The following IPMK variants were observed in gnomAD, a reference collection of about 807,000 sequenced individuals.
The protein encoded by IPMK is inositol polyphosphate multikinase.
Under a neutral mutation model 45.8 loss-of-function variants are expected in IPMK, and 17 were observed. The observed-to-expected ratio is 0.37, with a 90% confidence interval of 0.25 to 0.56. IPMK has a LOEUF of 0.56. Among genes scored for constraint, IPMK ranks in the 20% least tolerant of loss-of-function variants. The pLI, the probability that IPMK is intolerant of heterozygous loss-of-function variation, is 0.79. For synonymous variants in IPMK, 180 were observed against 184.3 expected, an observed-to-expected ratio of 0.98 and a Z score of 0.19; for missense variants, 399 against 498.0, an observed-to-expected ratio of 0.80 and a Z score of 1.89.
chr10:58,195,797 T>C lies in IPMK; in HGVS notation c.*279A>G. 3.3e-6 allele frequency: 1 copy of C among 307,636 alleles called. No individual in the cohort carries two copies. The highest frequency in any genetic ancestry group is 6.0e-5 in the South Asian group (1 of 16,602). The allele number at this position is 307,636 out of a possible 1,614,324, so 19.1% of individuals were successfully genotyped here. ...AACTCTTAATGACTGAATAATGGTTTGCATTTTGCTTGAGCCAAAAAAGAT... is the reference window on the plus strand; with the variant it reads ...AACTCTTAATGACTGAATAATGGTTCGCATTTTGCTTGAGCCAAAAAAGAT... On this transcript the variant is annotated 3_prime_UTR_variant, in exon 6 of 6. Transcript: ENST00000373935.
Position 58,192,547 on chromosome 10 carries a change from G to A in IPMK, c.*3529C>T, listed in dbSNP as rs1191490451. ...AACCCCACACTTATTATCTTATTTA[G>A]ATGCCTATTTTTCTATATCTCTATT... is the stretch of plus-strand genomic sequence containing the variant. On this transcript the variant is annotated 3_prime_UTR_variant, in exon 6 of 6. Transcript: ENST00000373935. 6.6e-6 allele frequency: 1 copy of A among 151,902 alleles called. No homozygotes were observed. The highest frequency in any genetic ancestry group is 1.5e-5 in the Non-Finnish European group (1 of 67,876). 9.4% of individuals were successfully genotyped at this position (151,902 alleles called of 1,614,324 possible).
intron 5 of IPMK, among the ~76,000 whole-genome samples, chr10:58,198,945 C>T (rs183571331): frequency 5.9e-4 from 90 of 152,060 alleles, no homozygotes; most frequent in Admixed American, 1.1e-3. Context: ...TTATACACAA[C>T]CTCTAGTTCC....
In IPMK at chr10:58,248,807, C is replaced by T. The variant is rs148298149; in HGVS notation, c.191-10993G>A. Among the ~76,000 whole-genome samples, 270 of 152,274 alleles carry T rather than the reference C, an allele frequency of 1.8e-3. 1 individual carries two copies. In the South Asian group the frequency reaches 0.022, roughly 12 times the overall value. ...GTCATGTGTTATTCGTCTTTCCATG[C>T]CTGGTTTATTTCACTTCATATAATG... On this transcript the variant is annotated intron_variant, in intron 1 of 5. Coordinates refer to ENST00000373935, the MANE Select transcript of IPMK (RefSeq NM_152230.5).
intron 1 of IPMK, among the ~76,000 whole-genome samples, chr10:58,266,816 G>A (rs1015759397): frequency 1.3e-5 from 2 of 152,116 alleles, no homozygotes; most frequent in Non-Finnish European, 2.9e-5. Flanking sequence ...TTCCCACCAG[G>A]AATCCGAGTT....
intron 1 of IPMK, among the ~76,000 whole-genome samples, chr10:58,245,289 A>T (rs1280712365): frequency 6.6e-6 from 1 of 151,966 alleles, no homozygotes; most frequent in East Asian, 1.9e-4. Context: ...AAGGGAGAAA[A>T]GAGTTGTTCA....
At chr10:58,199,494 A>G (rs1837966478) in intron 4 of IPMK, among the ~76,000 whole-genome samples, 173 bp from the exon 5 acceptor site, 1 of 152,078 alleles carries the variant, frequency 6.6e-6, no homozygotes, top group African/African-American at 2.4e-5. Flanking sequence ...AGCACTTTAC[A>G]AATTTAACAT....
chr10:58,208,009 C>G (rs1838096884), intron 4 of IPMK, among the ~76,000 whole-genome samples: 1 of 151,990 alleles, frequency 6.6e-6, no homozygotes, highest in African/African-American at 2.4e-5. Context: ...GGCGCGATCT[C>G]GGCTCACTGC....
chr10:58,205,085 T>A (rs995896952), intron 4 of IPMK, among the ~76,000 whole-genome samples: 1 of 152,120 alleles, frequency 6.6e-6, no homozygotes, highest in Non-Finnish European at 1.5e-5. Context: ...TAACTTAAAA[T>A]GTATCATAAG....
chr10:58,257,278 T>C (rs903960749), intron 1 of IPMK, among the ~76,000 whole-genome samples: 2 of 152,226 alleles, frequency 1.3e-5, no homozygotes, highest in East Asian at 3.9e-4. Flanking sequence ...GTTGATCGCC[T>C]GAGGTCAGGA....
rs1425199566 is a variant in IPMK at position 58,199,288 on chromosome 10, C to T, written c.580G>A (p.Glu194Lys). The T allele has an allele frequency of 6.2e-7, 1 of 1,609,074 alleles. No individual in the cohort carries two copies. Among genetic ancestry groups the T allele is most frequent in the Non-Finnish European group, 8.5e-7 (1 of 1,177,704 alleles). The change falls in exon 5 of 6, where the codon GAA becomes AAA. Residue 194 changes from glutamate (E) to lysine (K), a missense_variant. Glu to Lys is a moderately conservative substitution (Grantham distance 56). This residue lies in a region of IPMK where 288 missense variants were observed against 398.0 expected (regional missense o/e 0.72). Transcript: ENST00000373935. ...YHVHSDSYET[E>K]NQHYGRSLTK... is the part of the protein sequence containing the mutation. ...AAGCTTCTTCCGTAATGCTGGTTTT[C>T]TGTCTCATAGCTATCGGAATGAACA...
intron 1 of IPMK, among the ~76,000 whole-genome samples, chr10:58,245,481 A>G (rs1232317516): frequency 6.6e-6 from 1 of 151,884 alleles, no homozygotes; most frequent in African/African-American, 2.4e-5. Flanking sequence ...GGGTGGTACC[A>G]CATGCCTGTA....
At chr10:58,249,581 C>A (rs1031579205) in intron 1 of IPMK, among the ~76,000 whole-genome samples, 8 of 152,092 alleles carry the variant, frequency 5.3e-5, no homozygotes, top group Non-Finnish European at 1.2e-4. Context: ...TGAGTTGGTT[C>A]TTTATACATT....
At chr10:58,237,321 C>T (rs1405071327) in intron 2 of IPMK, among the ~76,000 whole-genome samples, 1 of 152,184 alleles carries the variant, frequency 6.6e-6, no homozygotes, top group Non-Finnish European at 1.5e-5. Flanking sequence ...GCTCCAGGAA[C>T]CATTCTCTCC....
At chr10:58,204,468 A>G (rs1336895792) in intron 4 of IPMK, among the ~76,000 whole-genome samples, 2 of 152,170 alleles carry the variant, frequency 1.3e-5, no homozygotes, top group African/African-American at 4.8e-5. Flanking sequence ...AACTAAAGGG[A>G]TCCAGAATAG....
At chr10:58,235,646 G>A (rs536083556) in intron 2 of IPMK, among the ~76,000 whole-genome samples, 89 of 152,160 alleles carry the variant, frequency 5.8e-4, no homozygotes, top group Admixed American at 1.0e-3. Flanking sequence ...GGAACATCAC[G>A]CACCGGGGCC....
At chr10:58,247,247 C>T (rs1188076239) in intron 1 of IPMK, among the ~76,000 whole-genome samples, 4 of 149,456 alleles carry the variant, frequency 2.7e-5, no homozygotes, top group South Asian at 2.1e-4. Context: ...GTCAGTGTGG[C>T]GATTCCTCAG....
chr10:58,243,356 T>G (rs1254980920), intron 1 of IPMK, among the ~76,000 whole-genome samples: 1 of 152,184 alleles, frequency 6.6e-6, no homozygotes, highest in Admixed American at 6.5e-5. Flanking sequence ...TCACTGCCTT[T>G]AAAAAAAGGA....
chr10:58,223,937 C>T (rs1838375222), intron 3 of IPMK, among the ~76,000 whole-genome samples: 1 of 151,432 alleles, frequency 6.6e-6, no homozygotes, highest in African/African-American at 2.4e-5. Flanking sequence ...CCTCATCAGC[C>T]ATGCAGAACT....
chr10:58,234,857 A>G (rs781243890), intron 2 of IPMK, among the ~76,000 whole-genome samples: 1 of 152,240 alleles, frequency 6.6e-6, no homozygotes, highest in Non-Finnish European at 1.5e-5. Flanking sequence ...GGCAAAAGAA[A>G]CTACCATCAG....
Sources: gnomAD v4.1 joint callset for allele counts (sites outside exome capture counted in the v4.1 genomes callset) on GRCh38, gnomAD v4.1.1 for gene constraint, gnomAD v4.1.1 regional missense constraint, MANE v1.5 for transcripts, NCBI Gene and HGNC (gene_info 2026-07-23, HGNC 2026-07-21) for gene names.